CMSS1: variants seen among roughly 807,000 people sequenced by gnomAD.
CMSS1 encodes protein CMSS1.
In CMSS1, 33 loss-of-function variants were observed where a neutral mutation model predicts 43.5. The ratio of observed to expected loss-of-function variants is 0.76; its 90% confidence interval spans 0.57 to 1.01. The LOEUF is 1.01. Among genes scored for constraint, CMSS1 ranks in the 50% least tolerant of loss-of-function variants. CMSS1 has a pLI of 0.00. For synonymous variants in CMSS1, 115 were observed against 117.2 expected (o/e 0.98, Z 0.12); for missense variants, 313 against 326.4 (o/e 0.96, Z 0.32).
Position 100,055,072 on chromosome 3 carries a change from T to C in CMSS1, c.65-91901T>C, listed in dbSNP as rs146475448. The stretch of plus-strand genomic sequence containing the variant: ...GTATTTTGTTGTCAGGTCACAGTTG[T>C]CTTTCTGGAAGTCTCCTGCCTCAGA... On this transcript the variant is annotated intron_variant, in intron 1 of 9. Transcript: ENST00000421999. 4.5e-3 allele frequency among the ~76,000 whole-genome samples: 686 copies of C among 152,278 alleles called. 7 individuals are homozygous for C. The highest frequency in any genetic ancestry group is 0.016 in the African/African-American group (673 of 41,554).
chr3:100,168,522 C>T (rs971832780), intron 6 of CMSS1, among the ~76,000 whole-genome samples: 1 of 152,066 alleles, frequency 6.6e-6, no homozygotes, highest in Non-Finnish European at 1.5e-5. Context: ...AATAAGACCC[C>T]ATCTCCATTA....
At chr3:99,900,332 C>T (rs774746800) in intron 1 of CMSS1, among the ~76,000 whole-genome samples, 5 of 152,070 alleles carry the variant, frequency 3.3e-5, no homozygotes, top group Admixed American at 6.5e-5. Flanking sequence ...ATACCTGGTG[C>T]TTCTTGTATG....
chr3:100,008,423 C>A (rs142813823), intron 1 of CMSS1, among the ~76,000 whole-genome samples: 2,855 of 152,216 alleles, frequency 0.019, 42 homozygotes, highest in Non-Finnish European at 0.03. Flanking sequence ...CCAGGGTACC[C>A]TTCATATAAG....
intron 1 of CMSS1, among the ~76,000 whole-genome samples, chr3:100,011,409 A>C (rs903922140): frequency 2.0e-5 from 3 of 152,126 alleles, no homozygotes; most frequent in Non-Finnish European, 2.9e-5. Context: ...TTAGAGACTA[A>C]CTTAATAAAA....
At position 99,971,933 on chromosome 3, in the gene CMSS1, C is replaced by G. The variant is rs75910607; in HGVS notation, c.64+153890C>G. 6.2e-3 allele frequency among the ~76,000 whole-genome samples: 937 copies of G among 152,214 alleles called. 6 individuals are homozygous for G. The highest frequency in any genetic ancestry group is 0.018 in the African/African-American group (742 of 41,512). On this transcript the variant is annotated intron_variant, in intron 1 of 9. Transcript: ENST00000421999. ...AGGATTATGTAAACCTGGTTGCTGA[C>G]CTAGATATATGTAGTCTTGTTGGGA...
chr3:99,921,346 C>T (rs1022689214), intron 1 of CMSS1, among the ~76,000 whole-genome samples: 1 of 152,180 alleles, frequency 6.6e-6, no homozygotes, highest in Non-Finnish European at 1.5e-5. Flanking sequence ...TTTAATACTA[C>T]TTTGATGCAC....
chr3:99,903,158 T>G (rs1384218797), intron 1 of CMSS1, among the ~76,000 whole-genome samples: 1 of 152,196 alleles, frequency 6.6e-6, no homozygotes, highest in African/African-American at 2.4e-5. Flanking sequence ...AGGGTTGTTA[T>G]GAGGATTAAA....
At chr3:100,150,633 A>G (rs1026558273) in intron 2 of CMSS1, among the ~76,000 whole-genome samples, 14 of 152,366 alleles carry the variant, frequency 9.2e-5, no homozygotes, top group African/African-American at 3.4e-4. Flanking sequence ...TTTTAAATCC[A>G]TGCAACTACC....
chr3:100,050,374 T>C (rs1230846559), intron 1 of CMSS1, among the ~76,000 whole-genome samples: 1 of 152,208 alleles, frequency 6.6e-6, no homozygotes, highest in Non-Finnish European at 1.5e-5. Flanking sequence ...TGTGAAATGC[T>C]CAGTATGAAA....
At chr3:100,164,644 A>T (rs939327294) in intron 4 of CMSS1, among the ~76,000 whole-genome samples, 16 of 152,188 alleles carry the variant, frequency 1.1e-4, no homozygotes, top group African/African-American at 3.9e-4. Flanking sequence ...GGTTTGAGAG[A>T]ACAGGCCCTG....
chr3:100,027,007 C>T (rs536273690), intron 1 of CMSS1, among the ~76,000 whole-genome samples: 5 of 152,272 alleles, frequency 3.3e-5, no homozygotes, highest in African/African-American at 1.2e-4. Flanking sequence ...CTCCTTGTGA[C>T]CTTTGTCCTT....
chr3:100,069,390 C>T (rs1012357226), intron 1 of CMSS1, among the ~76,000 whole-genome samples: 4 of 152,082 alleles, frequency 2.6e-5, no homozygotes, highest in African/African-American at 9.7e-5. Context: ...CAGCCATTAG[C>T]TGCCCACATA....
At position 99,850,926 on chromosome 3, in the gene CMSS1, C is replaced by T. The variant is rs36005744; in HGVS notation, c.64+32883C>T. The T allele has an allele frequency of 6.0e-3, 9,764 of 1,614,130 alleles. 46 individuals carry two copies. The highest frequency in any genetic ancestry group is 8.4e-3 in the South Asian group (769 of 91,084). On this transcript the variant is annotated intron_variant, in intron 1 of 9. Transcript: ENST00000421999. Reference sequence around the variant, plus strand: ...TCTGTCTTTGAAGGGTGAGCTGTGCCGTCAGCCTTTGCTGTTCATCCACCA... The same window carrying T: ...TCTGTCTTTGAAGGGTGAGCTGTGCTGTCAGCCTTTGCTGTTCATCCACCA...
At chr3:99,914,582 T>A (rs1706893369) in intron 1 of CMSS1, among the ~76,000 whole-genome samples, 2 of 152,228 alleles carry the variant, frequency 1.3e-5, no homozygotes, top group Non-Finnish European at 2.9e-5. Context: ...TCAGGTAAAG[T>A]TATAAAGTAA....
At chr3:99,823,490 C>T (rs1435851077) in intron 1 of CMSS1, among the ~76,000 whole-genome samples, 2 of 152,188 alleles carry the variant, frequency 1.3e-5, no homozygotes, top group Non-Finnish European at 2.9e-5. Flanking sequence ...ACCCCTATAT[C>T]TCATCCATCA....
At chr3:100,086,759 C>G (rs1305427288) in intron 1 of CMSS1, among the ~76,000 whole-genome samples, 1 of 152,130 alleles carries the variant, frequency 6.6e-6, no homozygotes, top group Non-Finnish European at 1.5e-5. Context: ...TAGGACAGGT[C>G]TGTGATTCAG....
chr3:99,934,422 T>G (rs1707592562), intron 1 of CMSS1, among the ~76,000 whole-genome samples: 1 of 152,224 alleles, frequency 6.6e-6, no homozygotes, highest in South Asian at 2.1e-4. Context: ...ACATAGGGTT[T>G]GGTTTTTGTT....
At chr3:100,141,224 A>C (rs1223551817) in intron 1 of CMSS1, among the ~76,000 whole-genome samples, 1 of 152,218 alleles carries the variant, frequency 6.6e-6, no homozygotes, top group African/African-American at 2.4e-5. Flanking sequence ...GTGAGTTAGC[A>C]CAGGATGTCT....
intron 1 of CMSS1, among the ~76,000 whole-genome samples, chr3:99,896,765 A>G (rs1405536309): frequency 6.6e-6 from 1 of 152,204 alleles, no homozygotes; most frequent in Non-Finnish European, 1.5e-5. Flanking sequence ...AAGGTTCCAG[A>G]GGACTAGGGT....
Sources: gnomAD v4.1 joint callset for allele counts (sites outside exome capture counted in the v4.1 genomes callset) on GRCh38, gnomAD v4.1.1 for gene constraint, MANE v1.5 for transcripts, NCBI Gene and HGNC (gene_info 2026-07-23, HGNC 2026-07-21) for gene names.